The following DGKI variants were observed in gnomAD, a reference collection of about 807,000 sequenced individuals.
DGKI encodes diacylglycerol kinase iota, also known as DAG kinase iota.
DGKI carries 55 observed loss-of-function variants against 147.5 expected under a neutral mutation model. The ratio of observed to expected loss-of-function variants is 0.37; its 90% CI spans 0.30 to 0.47. The LOEUF is 0.47. Ranked by LOEUF, DGKI falls within the 20% of genes least tolerant of loss-of-function variation. The pLI, the probability that DGKI is intolerant of heterozygous loss-of-function variation, is 1.00. For missense variants in DGKI, 1,007 were observed against 1,323.8 expected (o/e 0.76, Z 3.71); for synonymous variants, 469 against 477.1 (o/e 0.98, Z 0.22).
intron 28 of DGKI, among the ~76,000 whole-genome samples, chr7:137,431,042 T>G (rs1203186234): frequency 2.6e-5 from 4 of 152,026 alleles, no homozygotes; most frequent in African/African-American, 9.7e-5. Flanking sequence ...AACTAGAAGT[T>G]TAAATATATA....
intron 20 of DGKI, among the ~76,000 whole-genome samples, chr7:137,545,006 G>C (rs111465106): frequency 2.0e-5 from 3 of 152,128 alleles, no homozygotes; most frequent in Non-Finnish European, 4.4e-5. Flanking sequence ...CCTGACAGAC[G>C]AAAGGCAGCA....
At chr7:137,630,110 ATAGT>A (rs1313700603) in intron 6 of DGKI, among the ~76,000 whole-genome samples, 2 of 152,178 alleles carry the variant, frequency 1.3e-5, no homozygotes, top group Non-Finnish European at 2.9e-5. Context: ...CTGAATCTAG[ATAGT>A]TACTTTATTA....
intron 23 of DGKI, among the ~76,000 whole-genome samples, chr7:137,471,592 C>A (rs553630096): frequency 2.8e-4 from 42 of 152,128 alleles, no homozygotes; most frequent in South Asian, 1.5e-3. Flanking sequence ...TGGGTGGAAC[C>A]CAGCAATGTG....
chr7:137,585,070 C>G, intron 14 of DGKI, 139 bp downstream of exon 14: 1 of 953,484 alleles, frequency 1.0e-6, no homozygotes, highest in Non-Finnish European at 1.6e-6. Context: ...ACACATAGCC[C>G]CAGTAGCCAT....
chr7:137,560,896 ATG>A, intron 19 of DGKI, among the ~76,000 whole-genome samples: 1 of 152,210 alleles, frequency 6.6e-6, no homozygotes, highest in South Asian at 2.1e-4. Context: ...TAATAAATGT[ATG>A]TTGTCTTAAG....
Position 137,830,668 on chromosome 7 carries a change from C to A in DGKI, c.401+15794G>T, listed in dbSNP as rs1376545839. Among the ~76,000 whole-genome samples the A allele has an allele frequency of 9.9e-5, 15 of 152,138 alleles. 1 individual carries two copies. The highest frequency in any genetic ancestry group is 9.8e-4 in the Admixed American group (15 of 15,274). ...GTGGAGATGGTGCAGTCTAAAGAAA[C>A]AAGAGCTGAAGAGGCATGTGATATT... On this transcript the variant is annotated intron_variant, in intron 1 of 32. Transcript: ENST00000614521.
chr7:137,571,907 G>T (rs925105735), intron 18 of DGKI, among the ~76,000 whole-genome samples: 3 of 152,066 alleles, frequency 2.0e-5, no homozygotes, highest in African/African-American at 2.4e-5. Context: ...ACAAGAGAAA[G>T]AATAATAAAG....
chr7:137,542,363 A>G (rs1171365323), intron 20 of DGKI, among the ~76,000 whole-genome samples: 1 of 152,196 alleles, frequency 6.6e-6, no homozygotes. Flanking sequence ...AGAATAACCC[A>G]GATATCCTTC....
chr7:137,689,757 T>C (rs1009510441), intron 2 of DGKI, 137 bp downstream of exon 2: 1 of 495,674 alleles, frequency 2.0e-6, no homozygotes, highest in African/African-American at 2.0e-5. Context: ...GAGCTACAGC[T>C]AAGGTATCTG....
At chr7:137,709,094 G>A (rs1412845675) in intron 1 of DGKI, among the ~76,000 whole-genome samples, 1 of 152,136 alleles carries the variant, frequency 6.6e-6, no homozygotes, top group Non-Finnish European at 1.5e-5. Context: ...AACTGTAAAA[G>A]AGAAGACTAC....
At chr7:137,428,756 TGACA>T (rs1444352351) in intron 28 of DGKI, among the ~76,000 whole-genome samples, 1 of 151,972 alleles carries the variant, frequency 6.6e-6, no homozygotes, top group Non-Finnish European at 1.5e-5. Context: ...TATACACCAA[TGACA>T]GACAAACAGA....
At chr7:137,394,344 G>A (rs536726158) in intron 32 of DGKI, among the ~76,000 whole-genome samples, 3 of 152,296 alleles carry the variant, frequency 2.0e-5, no homozygotes, top group Admixed American at 1.3e-4. Flanking sequence ...TATTTCATGT[G>A]TGGCCCAAGA....
At chr7:137,732,621 T>C (rs1426701244) in intron 1 of DGKI, among the ~76,000 whole-genome samples, 1 of 152,066 alleles carries the variant, frequency 6.6e-6, no homozygotes, top group Non-Finnish European at 1.5e-5. Context: ...GCTATTATAA[T>C]GTTTGCTCCA....
At chr7:137,726,219 A>G (rs111800352) in intron 1 of DGKI, among the ~76,000 whole-genome samples, 1 of 152,090 alleles carries the variant, frequency 6.6e-6, no homozygotes, top group African/African-American at 2.4e-5. Context: ...CAACCTCCAC[A>G]ATCAATGATG....
chr7:137,452,220 T>C (rs1177186070), intron 27 of DGKI, among the ~76,000 whole-genome samples: 1 of 152,150 alleles, frequency 6.6e-6, no homozygotes, highest in Non-Finnish European at 1.5e-5. Flanking sequence ...AGGACAGGTG[T>C]GACAGCAGAG....
At chr7:137,505,489 T>C (rs1816334941) in intron 21 of DGKI, among the ~76,000 whole-genome samples, 1 of 152,024 alleles carries the variant, frequency 6.6e-6, no homozygotes, top group Admixed American at 6.6e-5. Context: ...AAATTGTGAG[T>C]GAATACAGGG....
intron 19 of DGKI, among the ~76,000 whole-genome samples, chr7:137,564,568 C>T (rs373346535): frequency 1.4e-5 from 2 of 138,464 alleles, no homozygotes; most frequent in East Asian, 4.0e-4. Flanking sequence ...CATTTGACTT[C>T]TTTTAAAAAA....
chr7:137,766,130 A>T (rs1796007562), intron 1 of DGKI, among the ~76,000 whole-genome samples: 1 of 152,230 alleles, frequency 6.6e-6, no homozygotes, highest in Admixed American at 6.5e-5. Context: ...AGGACTTACG[A>T]TCCTAAGAGG....
At chr7:137,456,039 G>C (rs1814193550) in intron 27 of DGKI, among the ~76,000 whole-genome samples, 2 of 152,118 alleles carry the variant, frequency 1.3e-5, no homozygotes, top group African/African-American at 4.8e-5. Flanking sequence ...TGCAGCCGGG[G>C]ACCAACAGTT....
Sources: allele counts gnomAD v4.1 joint callset (sites outside exome capture counted in the v4.1 genomes callset), GRCh38; gene constraint gnomAD v4.1.1; transcripts MANE v1.5; gene names NCBI Gene and HGNC (gene_info 2026-07-23, HGNC 2026-07-21).